RGPD3: variants seen among roughly 807,000 people sequenced by gnomAD.
The protein encoded by RGPD3 is ranBP2-like and GRIP domain-containing protein 3.
A neutral mutation model predicts 154.5 loss-of-function variants in RGPD3; 62 were observed. That is an observed-to-expected ratio of 0.40 (90% CI 0.33 to 0.50). RGPD3 has a LOEUF of 0.50. RGPD3 is among the 20% of genes least tolerant of loss of function. The probability of loss-of-function intolerance (pLI) is 0.59; values close to 1 mark genes in which losing one functional copy is unlikely to be tolerated. For missense variants in RGPD3, 919 were observed against 1,716.8 expected, an observed-to-expected ratio of 0.54 and a Z score of 8.21; for synonymous variants, 308 against 607.0, an observed-to-expected ratio of 0.51 and a Z score of 7.24.
chr2:106,410,203 T>G (rs1174683852), intron 22 of RGPD3, among the ~76,000 whole-genome samples: 2 of 152,080 alleles, frequency 1.3e-5, no homozygotes, highest in East Asian at 1.9e-4. Flanking sequence ...AGAGAAAATG[T>G]AAGGTATCTA....
rs752068349 is a variant in RGPD3, at chr2:106,436,167, G to C, written c.1714C>G (p.Gln572Glu). 1.2e-6 allele frequency: 2 copies of C among 1,611,778 alleles called. No individual in the cohort carries two copies. Among genetic ancestry groups the C allele is most frequent in the Non-Finnish European group, 1.7e-6 (2 of 1,179,828 alleles). ...TLRAQEKHGL[Q>E]PALLVHWAKC... ...GCCCAATGTACAAGCAGAGCAGGTT[G>C]AAGGCCATGTTTTTCCTGGGCTCTT... The change falls in exon 12 of 23, where the codon CAA (glutamine) becomes GAA (glutamate). Residue 572 changes from glutamine (Q) to glutamate (E), a missense_variant. Physicochemically the swap from Gln to Glu is conservative, Grantham distance 29. Coordinates refer to ENST00000409886, the MANE Select transcript of RGPD3 (RefSeq NM_001144013.2).
chr2:106,418,444 T>C (rs1676879689), intron 20 of RGPD3, among the ~76,000 whole-genome samples: 1 of 152,006 alleles, frequency 6.6e-6, no homozygotes, highest in Admixed American at 6.5e-5. Context: ...CCTTTACCTC[T>C]GCAGCTTCGT....
intron 17 of RGPD3, among the ~76,000 whole-genome samples, chr2:106,432,439 C>T (rs1271528900): frequency 3.5e-5 from 5 of 144,520 alleles, no homozygotes; most frequent in Admixed American, 7.2e-5. Context: ...GGCAACAGAG[C>T]GAGCCTCTGT....
chr2:106,434,074 C>G (rs986934722), intron 15 of RGPD3, among the ~76,000 whole-genome samples, 154 bp downstream of exon 15: 2 of 149,354 alleles, frequency 1.3e-5, no homozygotes, highest in Non-Finnish European at 3.0e-5. Flanking sequence ...ACAAAGCAAG[C>G]AAATCTAAGC....
chr2:106,448,816 G>C (rs994809137), intron 6 of RGPD3, among the ~76,000 whole-genome samples: 4 of 151,578 alleles, frequency 2.6e-5, no homozygotes, highest in Admixed American at 6.6e-5. Context: ...TCAGCCTCCC[G>C]AGCAGCTGGG....
intron 14 of RGPD3, 32 bp downstream of exon 14, chr2:106,434,605 A>C (rs1310494150): frequency 1.6e-5 from 5 of 306,900 alleles, no homozygotes; most frequent in East Asian, 1.3e-4. Flanking sequence ...TAAATAAATA[A>C]AACTTTTAGC....
chr2:106,446,263 T>C (rs1573284612), intron 7 of RGPD3, among the ~76,000 whole-genome samples: 2 of 103,792 alleles, frequency 1.9e-5, no homozygotes, highest in Non-Finnish European at 3.9e-5. Context: ...TGCAGGCTCA[T>C]TAAAAAAAAA....
At chr2:106,445,319 G>A (rs1233689598) in intron 7 of RGPD3, among the ~76,000 whole-genome samples, 4 of 151,488 alleles carry the variant, frequency 2.6e-5, no homozygotes, top group Admixed American at 1.3e-4. Flanking sequence ...ATAAAAATAA[G>A]AACTATCAGT....
chr2:106,470,488 C>T (rs1678786856), upstream of RGPD3, among the ~76,000 whole-genome samples: 1 of 152,164 alleles, frequency 6.6e-6, no homozygotes, highest in African/African-American at 2.4e-5. Flanking sequence ...AACGATGGTA[C>T]TCTCTTTTCC....
intron 1 of RGPD3, among the ~76,000 whole-genome samples, chr2:106,464,635 A>G (rs562796734): frequency 5.9e-4 from 89 of 150,780 alleles, no homozygotes; most frequent in African/African-American, 2.1e-3. Context: ...AATCAGCTGC[A>G]GAATAAGAAA....
chr2:106,462,134 G>A (rs1259641267), intron 1 of RGPD3, among the ~76,000 whole-genome samples: 12 of 152,072 alleles, frequency 7.9e-5, no homozygotes, highest in East Asian at 1.9e-4. Flanking sequence ...GACTTCCTCC[G>A]CCTCCCAAGG....
intron 9 of RGPD3, among the ~76,000 whole-genome samples, chr2:106,437,715 A>G (rs549183523): frequency 0.018 from 2,743 of 151,950 alleles, 32 homozygotes; most frequent in African/African-American, 0.062. Context: ...TATGATTATT[A>G]ACAGTGGAAA....
At chr2:106,462,782 G>A (rs1276404367) in intron 1 of RGPD3, among the ~76,000 whole-genome samples, 1 of 151,506 alleles carries the variant, frequency 6.6e-6, no homozygotes, top group Non-Finnish European at 1.5e-5. Flanking sequence ...AAAAGCTGCT[G>A]TTCTCAACAA....
chr2:106,448,254 C>T (rs1271084102), intron 6 of RGPD3, among the ~76,000 whole-genome samples: 1 of 152,120 alleles, frequency 6.6e-6, no homozygotes, highest in Non-Finnish European at 1.5e-5. Context: ...ATTACAGGCA[C>T]CTGCCACCAT....
intron 2 of RGPD3, among the ~76,000 whole-genome samples, chr2:106,458,727 TAAA>T (rs57559694): frequency 1.3e-3 from 49 of 36,298 alleles, no homozygotes; most frequent in East Asian, 0.01. Flanking sequence ...AGATACTGCC[TAAA>T]AAAAAAAAAA....
chr2:106,429,753 C>G lies in RGPD3; in HGVS notation c.2498G>C (p.Ser833Thr). 5 of 1,216,814 alleles carry G rather than the reference C, an allele frequency of 4.1e-6. No individual in the cohort carries two copies. Among genetic ancestry groups the G allele is most frequent in the Non-Finnish European group, 5.7e-6 (5 of 880,790 alleles). 75.4% of individuals were successfully genotyped at this position (1,216,814 alleles called of 1,614,324 possible). Reference sequence around the variant, plus strand: ...ACGATGATGGGATGCTGACTTACTGCTATTTAGTTTCAACTCCTGCATTTC... The same window carrying G: ...ACGATGATGGGATGCTGACTTACTGGTATTTAGTTTCAACTCCTGCATTTC... ...KEEMQELKLN[S>T]SKSASHHRWP... The change falls in exon 18 of 23, where the codon AGC becomes ACC. Residue 833 changes from serine to threonine, a missense_variant. Physicochemically the swap from Ser to Thr is moderately conservative, Grantham distance 58. Coordinates refer to ENST00000409886, the MANE Select transcript of RGPD3 (RefSeq NM_001144013.2).
At chr2:106,446,420 A>T (rs1371390711) in intron 7 of RGPD3, among the ~76,000 whole-genome samples, 26 of 151,762 alleles carry the variant, frequency 1.7e-4, no homozygotes, top group African/African-American at 6.0e-4. Context: ...ACAAAAAAAA[A>T]TTAGCCAGGT....
In RGPD3 at chr2:106,468,337, C is replaced by G. The variant is rs376228275; in HGVS notation, c.-49G>C. On this transcript the variant is annotated 5_prime_UTR_variant, in exon 1 of 23. Coordinates refer to ENST00000409886, the MANE Select transcript of RGPD3 (RefSeq NM_001144013.2). ...GATGCGTGAGACCAGCGCTCAGCCC[C>G]GCAGCAGTCGCCAATTCCAAGAGGA... The G allele has an allele frequency of 5.1e-6, 8 of 1,565,736 alleles. No individual in the cohort carries two copies. Among genetic ancestry groups the G allele is most frequent in the Non-Finnish European group, 6.1e-6 (7 of 1,156,360 alleles).
In RGPD3 at chr2:106,423,842, T is replaced by A; in HGVS notation, c.4125A>T (p.Lys1375Asn). The A allele has an allele frequency of 4.3e-6, 7 of 1,612,020 alleles. No homozygotes were observed. The highest frequency in any genetic ancestry group is 5.1e-6 in the Non-Finnish European group (6 of 1,179,858). ...TCTTTATATCACCAATGCCCCTTTC[T>A]TTCCATTGACCAACATCTTTATCAT... Reference protein sequence around the residue: ...YRYDKDVGQWKERGIGDIKIL... With the variant: ...YRYDKDVGQWNERGIGDIKIL... Residue 1375 changes from lysine to asparagine, a missense_variant, in exon 20 of 23, where the codon AAA becomes AAT. By Grantham distance (94) the Lys-to-Asn change is moderately conservative. Transcript: ENST00000409886.
Sources: allele counts gnomAD v4.1 joint callset (sites outside exome capture counted in the v4.1 genomes callset), GRCh38; gene constraint gnomAD v4.1.1; transcripts MANE v1.5; gene names NCBI Gene and HGNC (gene_info 2026-07-23, HGNC 2026-07-21).